CDH13: variants seen among roughly 807,000 people sequenced by gnomAD.
CDH13 encodes the protein cadherin 13, also known as cadherin-13.
Under a neutral mutation model 63.8 loss-of-function variants are expected in CDH13, and 24 were observed. The observed-to-expected ratio is 0.38, with a 90% confidence interval of 0.27 to 0.53. CDH13 has a LOEUF of 0.53. CDH13 is among the 20% of genes least tolerant of loss of function. CDH13 has a pLI of 0.85. For synonymous variants in CDH13, 503 were observed against 355.3 expected, an observed-to-expected ratio of 1.42 and a Z score of -4.67; for missense variants, 1,049 against 903.1, an observed-to-expected ratio of 1.16 and a Z score of -2.07.
intron 2 of CDH13, among the ~76,000 whole-genome samples, chr16:82,965,849 A>C (rs906157919): frequency 6.6e-6 from 1 of 152,214 alleles, no homozygotes; most frequent in Non-Finnish European, 1.5e-5. Flanking sequence ...ACTGGTTTAC[A>C]TTGTCTTCCT....
intron 3 of CDH13, among the ~76,000 whole-genome samples, chr16:83,060,323 A>G (rs542688282): frequency 6.6e-6 from 1 of 152,318 alleles, no homozygotes; most frequent in South Asian, 2.1e-4. Context: ...GGATGTTGAT[A>G]AATGCGTAGG....
intron 2 of CDH13, among the ~76,000 whole-genome samples, chr16:82,969,296 A>C (rs1420534166): frequency 6.6e-6 from 1 of 152,088 alleles, no homozygotes; most frequent in Admixed American, 6.5e-5. Context: ...TACACGATAC[A>C]TAAAAGAATG....
chr16:83,008,659 T>G (rs1421095673), intron 2 of CDH13, among the ~76,000 whole-genome samples: 1 of 152,120 alleles, frequency 6.6e-6, no homozygotes, highest in Non-Finnish European at 1.5e-5. Context: ...GATGGGTGGA[T>G]GAGGGATTGG....
At chr16:82,889,909 T>C (rs894971240) in intron 2 of CDH13, among the ~76,000 whole-genome samples, 1 of 152,252 alleles carries the variant, frequency 6.6e-6, no homozygotes, top group African/African-American at 2.4e-5. Flanking sequence ...TATAGACTCT[T>C]CTTTGGAAAT....
intron 10 of CDH13, among the ~76,000 whole-genome samples, chr16:83,734,521 G>T (rs1193251012): frequency 6.8e-6 from 1 of 148,110 alleles, no homozygotes; most frequent in Non-Finnish European, 1.5e-5. Context: ...TCATAGATGG[G>T]AATTGAACAA....
At chr16:82,948,610 T>A (rs1396343196) in intron 2 of CDH13, among the ~76,000 whole-genome samples, 1 of 152,220 alleles carries the variant, frequency 6.6e-6, no homozygotes, top group Admixed American at 6.5e-5. Flanking sequence ...GACAATCTTT[T>A]ATTTTTATTC....
intron 7 of CDH13, among the ~76,000 whole-genome samples, chr16:83,542,264 G>A (rs938030508): frequency 6.6e-6 from 1 of 152,184 alleles, no homozygotes; most frequent in Non-Finnish European, 1.5e-5. Context: ...ATTCCTATCA[G>A]AATCTGGTTT....
At chr16:82,903,444 T>C (rs1267745336) in intron 2 of CDH13, among the ~76,000 whole-genome samples, 1 of 152,216 alleles carries the variant, frequency 6.6e-6, no homozygotes, top group African/African-American at 2.4e-5. Context: ...GAGCCCTAGC[T>C]CATGGTCTCC....
rs1260321979 is a variant in CDH13, at chr16:83,678,062, C to G, written c.1285-146C>G. On this transcript the variant is annotated intron_variant, in intron 9 of 13. Transcript: ENST00000567109. Reference sequence around the variant, plus strand: ...TCATATTCTTTATCTTAAAGATAGCCCCCCAGTTACACAGGCTTAGCCTCC... The same window carrying G: ...TCATATTCTTTATCTTAAAGATAGCGCCCCAGTTACACAGGCTTAGCCTCC... 1.3e-5 allele frequency: 8 copies of G among 630,328 alleles called. No individual in the cohort carries two copies. In the Admixed American group the frequency reaches 2.1e-4, roughly 16 times the overall value. The allele number at this position is 630,328 out of a possible 1,614,324, so 39.0% of individuals were successfully genotyped here. A position where few individuals can be genotyped will look rare whatever the true frequency, so the allele number is the denominator to read the frequency against.
chr16:83,795,149 T>G lies in CDH13; in HGVS notation c.*119T>G, dbSNP rs1329411753. 1 of 768,362 alleles carries G rather than the reference T, an allele frequency of 1.3e-6. No homozygotes were observed. Among genetic ancestry groups the G allele is most frequent in the Non-Finnish European group, 2.1e-6 (1 of 474,732 alleles). The allele number at this position is 768,362 out of a possible 1,614,324, so 47.6% of individuals were successfully genotyped here. On this transcript the variant is annotated 3_prime_UTR_variant, in exon 14 of 14. Coordinates refer to ENST00000567109, the MANE Select transcript of CDH13 (RefSeq NM_001257.5). ...TCGAACTTCACAACTAGGCCTCAAT[T>G]GTTCCGGTTTTTTATTTTCTTTACA...
chr16:82,912,230 A>ATATGTTGCTGTTGCTTTTCACACATCT (rs6145918), intron 2 of CDH13, among the ~76,000 whole-genome samples: 1 of 151,866 alleles, frequency 6.6e-6, no homozygotes, highest in Non-Finnish European at 1.5e-5. Context: ...CTGCATGTTA[A>ATATGTTGCTGTTGCTTTTCACACATCT]TATTTTCTTA....
intron 7 of CDH13, among the ~76,000 whole-genome samples, chr16:83,588,943 G>A (rs1168936993): frequency 6.6e-6 from 1 of 152,168 alleles, no homozygotes; most frequent in African/African-American, 2.4e-5. Flanking sequence ...ACCCCCCAGA[G>A]AAGGTGTACT....
chr16:83,794,889 A>T, intron 13 of CDH13, 134 bp from the exon 14 acceptor site: 1 of 807,006 alleles, frequency 1.2e-6, no homozygotes, highest in South Asian at 1.5e-5. Context: ...AAGGAAAAAA[A>T]AAATTCCCCC....
chr16:83,187,793 T>G (rs1415942794), intron 4 of CDH13, among the ~76,000 whole-genome samples: 1 of 151,918 alleles, frequency 6.6e-6, no homozygotes, highest in East Asian at 1.9e-4. Context: ...ATAAAATACA[T>G]GGTGTGTCAG....
chr16:83,668,325 G>A (rs1031542511), intron 8 of CDH13, among the ~76,000 whole-genome samples: 4 of 152,196 alleles, frequency 2.6e-5, no homozygotes, highest in South Asian at 4.1e-4. Context: ...GAAGAGACAG[G>A]TGCACATAGA....
intron 7 of CDH13, among the ~76,000 whole-genome samples, chr16:83,507,809 C>A (rs531013844): frequency 1.3e-5 from 2 of 151,718 alleles, no homozygotes; most frequent in Admixed American, 1.3e-4. Flanking sequence ...CCGAGGCAGG[C>A]AGATCATGGG....
intron 1 of CDH13, chr16:82,705,080 A>G (rs1254280020): frequency 2.2e-6 from 1 of 455,546 alleles, no homozygotes. Context: ...GAGGCCTACC[A>G]TATACCTATG....
chr16:83,124,183 T>A (rs1252025296), intron 3 of CDH13, among the ~76,000 whole-genome samples: 1 of 152,066 alleles, frequency 6.6e-6, no homozygotes, highest in Non-Finnish European at 1.5e-5. Context: ...GTAGCTGGGA[T>A]TACAGGTACC....
At chr16:82,876,842 G>A (rs1280956724) in intron 2 of CDH13, among the ~76,000 whole-genome samples, 2 of 152,182 alleles carry the variant, frequency 1.3e-5, no homozygotes, top group African/African-American at 2.4e-5. Flanking sequence ...CAGTTACTGA[G>A]TTTGGAGAGG....
Sources: gnomAD v4.1 joint callset for allele counts (sites outside exome capture counted in the v4.1 genomes callset) on GRCh38, gnomAD v4.1.1 for gene constraint, MANE v1.5 for transcripts, NCBI Gene and HGNC (gene_info 2026-07-23, HGNC 2026-07-21) for gene names.